FOXN3: variants seen among roughly 807,000 people sequenced by gnomAD.
The protein encoded by FOXN3 is forkhead box N3.
Under a neutral mutation model 38.4 loss-of-function variants are expected in FOXN3, and 7 were observed. The ratio of observed to expected loss-of-function variants is 0.18; its 90% CI spans 0.10 to 0.34. The LOEUF (loss-of-function observed/expected upper bound fraction) is 0.34. FOXN3 is among the 10% of genes least tolerant of loss of function. FOXN3 has a pLI of 1.00. For missense variants in FOXN3, 456 were observed against 613.4 expected, an observed-to-expected ratio of 0.74 and a Z score of 2.71; for synonymous variants, 230 against 242.2, an observed-to-expected ratio of 0.95 and a Z score of 0.47.
At position 89,228,237 on chromosome 14, in the gene FOXN3, G is replaced by A. The variant is rs551097293; in HGVS notation, c.746-47431C>T. ...CATTTGATGGTCTGATAAAAGAGGC[G>A]ATCTCTCATTAGCAAAGCTCAGGAA... On this transcript the variant is annotated intron_variant, in intron 4 of 5. Transcript: ENST00000557258. Among the ~76,000 whole-genome samples the A allele has an allele frequency of 3.3e-5, 5 of 152,320 alleles. No homozygotes were observed. In the South Asian group the frequency reaches 8.3e-4, roughly 25 times the overall value.
chr14:89,529,714 T>C (rs540996658), intron 1 of FOXN3, among the ~76,000 whole-genome samples: 3 of 152,262 alleles, frequency 2.0e-5, no homozygotes, highest in East Asian at 3.9e-4. Flanking sequence ...TGTTGTTTCC[T>C]TTCCACTGGA....
At chr14:89,614,269 A>T (rs1596333545) in intron 1 of FOXN3, among the ~76,000 whole-genome samples, 1 of 152,364 alleles carries the variant, frequency 6.6e-6, no homozygotes, top group East Asian at 1.9e-4. Context: ...TGGAAATAGA[A>T]TAAAGCCATG....
chr14:89,425,151 GC>G (rs1270353062), intron 1 of FOXN3, among the ~76,000 whole-genome samples: 5 of 138,496 alleles, frequency 3.6e-5, no homozygotes, highest in Non-Finnish European at 7.5e-5. Flanking sequence ...TGCTACCTCT[GC>G]CTCCCGGGTC....
At chr14:89,577,266 C>T (rs1044505593) in intron 1 of FOXN3, 2 of 152,154 alleles carry the variant, frequency 1.3e-5, no homozygotes, top group Admixed American at 6.5e-5. Flanking sequence ...GACTAGACTC[C>T]GCTCAGTGCA....
Position 89,161,007 on chromosome 14 carries a change from A to T in FOXN3, c.*1407T>A, listed in dbSNP as rs1431360412. 4 of 152,222 alleles carry T rather than the reference A, an allele frequency of 2.6e-5. No homozygotes were observed. The highest frequency in any genetic ancestry group is 5.9e-5 in the Non-Finnish European group (4 of 68,036). The allele number at this position is 152,222 out of a possible 1,614,324, so 9.4% of individuals were successfully genotyped here. A position where few individuals can be genotyped will look rare whatever the true frequency, so the allele number is the denominator to read the frequency against. ...GCCTAAGGGCTTAAAAATTACAGGC[A>T]TAGCCTTTTCTCTATTTTCTATATT... On this transcript the variant is annotated 3_prime_UTR_variant, in exon 6 of 6. Coordinates refer to ENST00000557258, the MANE Select transcript of FOXN3 (RefSeq NM_005197.4).
chr14:89,452,981 C>T (rs1254041433), intron 1 of FOXN3, among the ~76,000 whole-genome samples: 1 of 151,546 alleles, frequency 6.6e-6, no homozygotes, highest in African/African-American at 2.4e-5. Context: ...GGCAGATCAT[C>T]TGAGGTCAGG....
At chr14:89,420,064 A>G (rs1469831588), upstream of FOXN3, among the ~76,000 whole-genome samples, 1 of 152,206 alleles carries the variant, frequency 6.6e-6, no homozygotes, top group Non-Finnish European at 1.5e-5. Context: ...TGGCCTGCAC[A>G]GAACCATATT....
intron 1 of FOXN3, among the ~76,000 whole-genome samples, chr14:89,560,042 G>C (rs1244154670): frequency 6.6e-6 from 1 of 152,180 alleles, no homozygotes; most frequent in Non-Finnish European, 1.5e-5. Flanking sequence ...TTGACAGGCT[G>C]AACAGGAAGC....
intron 1 of FOXN3, among the ~76,000 whole-genome samples, chr14:89,450,910 G>A (rs534407005): frequency 1.3e-5 from 2 of 152,304 alleles, no homozygotes; most frequent in South Asian, 2.1e-4. Flanking sequence ...TCTAGGACAT[G>A]TGGCATGCCA....
chr14:89,503,446 A>G (rs1893843106), intron 1 of FOXN3, among the ~76,000 whole-genome samples: 1 of 152,222 alleles, frequency 6.6e-6, no homozygotes, highest in South Asian at 2.1e-4. Context: ...TCAAAATTCA[A>G]ACCTGGTGTG....
At chr14:89,169,986 G>C (rs1230031784) in intron 5 of FOXN3, among the ~76,000 whole-genome samples, 1 of 152,176 alleles carries the variant, frequency 6.6e-6, no homozygotes, top group South Asian at 2.1e-4. Flanking sequence ...TGTGCTGTTT[G>C]CAAGAGACAA....
chr14:89,529,941 ATTTT>A (rs57214820), intron 1 of FOXN3, among the ~76,000 whole-genome samples: 2 of 143,486 alleles, frequency 1.4e-5, no homozygotes, highest in Admixed American at 6.9e-5. Context: ...AGACTGTGTA[ATTTT>A]TTTTTTTTTT....
At chr14:89,534,859 C>G (rs893846091) in intron 1 of FOXN3, among the ~76,000 whole-genome samples, 3 of 152,256 alleles carry the variant, frequency 2.0e-5, no homozygotes, top group Non-Finnish European at 4.4e-5. Context: ...CACTGCTCCA[C>G]TCATCCTGTT....
intron 1 of FOXN3, among the ~76,000 whole-genome samples, chr14:89,550,984 G>A (rs1447678209): frequency 6.6e-6 from 1 of 152,158 alleles, no homozygotes; most frequent in East Asian, 1.9e-4. Flanking sequence ...ATGGTGGGAC[G>A]CACACACGAA....
Position 89,333,763 on chromosome 14 carries a change from A to C in FOXN3, c.680+16909T>G, listed in dbSNP as rs796902215. Among the ~76,000 whole-genome samples, 347 of 147,420 alleles carry C rather than the reference A, an allele frequency of 2.4e-3. 8 individuals carry two copies. Among genetic ancestry groups the C allele is most frequent in the African/African-American group, 7.8e-3 (316 of 40,574 alleles). On this transcript the variant is annotated intron_variant, in intron 3 of 5. Coordinates refer to ENST00000557258, the MANE Select transcript of FOXN3 (RefSeq NM_005197.4). ...AGAGAGACTATTAAAAAAAAAAAAAAAAAAAAAAAAAAACAGAACCCCCAT... is the reference window on the plus strand; with the variant it reads ...AGAGAGACTATTAAAAAAAAAAAAACAAAAAAAAAAAAACAGAACCCCCAT...
At chr14:89,495,840 C>T (rs981732759) in intron 1 of FOXN3, among the ~76,000 whole-genome samples, 5 of 152,218 alleles carry the variant, frequency 3.3e-5, no homozygotes, top group African/African-American at 1.2e-4. Context: ...CTCCAAAAAT[C>T]AGCAACTGGT....
chr14:89,497,330 C>T (rs752213183), intron 1 of FOXN3, among the ~76,000 whole-genome samples: 5 of 151,720 alleles, frequency 3.3e-5, no homozygotes, highest in African/African-American at 1.2e-4. Context: ...ATTCATCTGT[C>T]GACAGACACT....
chr14:89,171,445 C>G (rs1372546580), intron 5 of FOXN3, among the ~76,000 whole-genome samples: 4 of 152,024 alleles, frequency 2.6e-5, no homozygotes, highest in Non-Finnish European at 4.4e-5. Flanking sequence ...AATCTTGACA[C>G]TAAACTAGAT....
intron 1 of FOXN3, among the ~76,000 whole-genome samples, chr14:89,451,535 T>C (rs1892613070): frequency 6.6e-6 from 1 of 152,212 alleles, no homozygotes; most frequent in Non-Finnish European, 1.5e-5. Flanking sequence ...CAGTTCTTCG[T>C]GTTACGTGTC....
Sources: allele counts gnomAD v4.1 joint callset (sites outside exome capture counted in the v4.1 genomes callset), GRCh38; gene constraint gnomAD v4.1.1; transcripts MANE v1.5; gene names NCBI Gene and HGNC (gene_info 2026-07-23, HGNC 2026-07-21).